The following SP4 variants were observed in gnomAD, a reference collection of about 807,000 sequenced individuals.
SP4 encodes Sp4 transcription factor.
In SP4, 19 loss-of-function variants were observed where a neutral mutation model predicts 72.8. The ratio of observed to expected loss-of-function variants is 0.26; its 90% CI spans 0.18 to 0.38. SP4 has a LOEUF of 0.38. Ranked by LOEUF, SP4 falls within the 10% of genes least tolerant of loss-of-function variation. The probability of loss-of-function intolerance (pLI) is 1.00; values close to 1 mark genes in which losing one functional copy is unlikely to be tolerated. For synonymous variants in SP4, 395 were observed against 333.1 expected (o/e 1.19, Z -2.02); for missense variants, 1,008 against 926.3 (o/e 1.09, Z -1.14).
chr7:21,487,605 C>T (rs1020485592), intron 5 of SP4, among the ~76,000 whole-genome samples: 1 of 151,906 alleles, frequency 6.6e-6, no homozygotes, highest in African/African-American at 2.4e-5. Flanking sequence ...TGTATGGATG[C>T]AGGTGCTTGC....
chr7:21,467,347 A>G (rs1283078023), intron 3 of SP4, among the ~76,000 whole-genome samples: 4 of 152,208 alleles, frequency 2.6e-5, no homozygotes, highest in Non-Finnish European at 5.9e-5. Flanking sequence ...TACCTTTAAA[A>G]AAACAACTTT....
intron 3 of SP4, among the ~76,000 whole-genome samples, chr7:21,455,652 C>T (rs1468958628): frequency 1.3e-5 from 2 of 152,126 alleles, no homozygotes; most frequent in African/African-American, 4.8e-5. Flanking sequence ...CCAGTTCATC[C>T]TTGGGGTTAC....
At chr7:21,507,783 C>T (rs1782038260) in intron 5 of SP4, among the ~76,000 whole-genome samples, 1 of 152,076 alleles carries the variant, frequency 6.6e-6, no homozygotes, top group South Asian at 2.1e-4. Flanking sequence ...CAGTCTGTGT[C>T]TGAGCTTTTC....
chr7:21,428,100 A>C lies in SP4; in HGVS notation c.-152A>C. 1.5e-6 allele frequency: 1 copy of C among 675,144 alleles called. No homozygotes were observed. 41.8% of individuals were successfully genotyped at this position (675,144 alleles called of 1,614,324 possible). A position where few individuals can be genotyped will look rare whatever the true frequency, so the allele number is the denominator to read the frequency against. On this transcript the variant is annotated 5_prime_UTR_variant, in exon 1 of 6. Transcript: ENST00000222584. ...GCTACGCCACAGCCCAGCGGCGGCC[A>C]TTCGCGGAAAAAGAGGCAGAGCCTG... is the stretch of plus-strand genomic sequence containing the variant.
chr7:21,461,300 G>A (rs1192872421), intron 3 of SP4, among the ~76,000 whole-genome samples: 1 of 152,086 alleles, frequency 6.6e-6, no homozygotes, highest in Non-Finnish European at 1.5e-5. Flanking sequence ...GGGGTTGGGG[G>A]AGACTCAGGC....
At chr7:21,486,103 C>T (rs1207231866) in intron 5 of SP4, among the ~76,000 whole-genome samples, 1 of 151,642 alleles carries the variant, frequency 6.6e-6, no homozygotes, top group Non-Finnish European at 1.5e-5. Context: ...TTGAAAATTA[C>T]ATTCTCTTAA....
intron 5 of SP4, among the ~76,000 whole-genome samples, chr7:21,501,266 A>G (rs1017252447): frequency 1.3e-5 from 2 of 151,964 alleles, no homozygotes; most frequent in Non-Finnish European, 2.9e-5. Context: ...AGTTTGTTAC[A>G]TCCGCAGGCT....
At position 21,428,679 on chromosome 7, in the gene SP4, C is replaced by G; in HGVS notation, c.10C>G (p.Gln4Glu). 1 of 1,548,188 alleles carries G rather than the reference C, an allele frequency of 6.5e-7. No homozygotes were observed. Among genetic ancestry groups the G allele is most frequent in the Non-Finnish European group, 8.7e-7 (1 of 1,143,514 alleles). Residue 4 changes from glutamine to glutamate, a missense_variant and splice_region_variant, in exon 2 of 6, where the codon CAG (glutamine) becomes GAG (glutamate). Gln to Glu is a conservative substitution (Grantham distance 29). Transcript: ENST00000222584. ...TGTGGTGGGGGGGTTTGTTGCAGAT[C>G]AGAAGAAGGAGGAGGAGGAGGAGGC... MSD[Q>E]KKEEEEEAAA...
intron 5 of SP4, among the ~76,000 whole-genome samples, chr7:21,500,142 AT>A (rs1182348678): frequency 2.0e-5 from 3 of 152,126 alleles, no homozygotes; most frequent in South Asian, 2.1e-4. Context: ...CAAAAGGAGC[AT>A]TTTTTTTCCT....
intron 5 of SP4, among the ~76,000 whole-genome samples, chr7:21,496,157 C>T (rs1055299327): frequency 6.6e-6 from 1 of 152,124 alleles, no homozygotes; most frequent in African/African-American, 2.4e-5. Flanking sequence ...GATAGCAACT[C>T]TTCTGTGTGT....
chr7:21,472,831 G>T (rs1288791177), intron 3 of SP4, among the ~76,000 whole-genome samples: 1 of 151,890 alleles, frequency 6.6e-6, no homozygotes, highest in Non-Finnish European at 1.5e-5. Flanking sequence ...AGAAGAAGGG[G>T]TTTCTGAAAT....
chr7:21,434,317 C>T (rs1165608438), intron 3 of SP4, among the ~76,000 whole-genome samples: 1 of 152,094 alleles, frequency 6.6e-6, no homozygotes, highest in East Asian at 1.9e-4. Flanking sequence ...ATGACATGAA[C>T]AGAAAAAAGT....
chr7:21,428,403 G>T (rs369527786), intron 1 of SP4, 145 bp downstream of exon 1: 2 of 688,534 alleles, frequency 2.9e-6, no homozygotes, highest in Non-Finnish European at 5.4e-6. Context: ...ATCGGGGAGG[G>T]AAGGAGGGTT....
At chr7:21,484,561 G>A (rs888461748) in intron 5 of SP4, among the ~76,000 whole-genome samples, 4 of 151,834 alleles carry the variant, frequency 2.6e-5, no homozygotes, top group African/African-American at 7.2e-5. Flanking sequence ...AAATCTTTCT[G>A]TATAGTATAT....
chr7:21,460,576 G>A (rs111727875), intron 3 of SP4, among the ~76,000 whole-genome samples: 10 of 152,162 alleles, frequency 6.6e-5, no homozygotes, highest in East Asian at 1.9e-4. Flanking sequence ...CTGCTGGCTC[G>A]GGCAGCCTGC....
chr7:21,498,593 C>T (rs1781783289), intron 5 of SP4, among the ~76,000 whole-genome samples: 4 of 152,144 alleles, frequency 2.6e-5, no homozygotes. Flanking sequence ...AAAATGATTA[C>T]AGTTAACCCT....
chr7:21,500,080 G>T (rs926457498), intron 5 of SP4, among the ~76,000 whole-genome samples: 17 of 152,136 alleles, frequency 1.1e-4, no homozygotes, highest in Non-Finnish European at 2.5e-4. Context: ...CCTTTTAAAA[G>T]ACTACATTTT....
chr7:21,461,550 C>G (rs1783984217), intron 3 of SP4, among the ~76,000 whole-genome samples: 2 of 152,208 alleles, frequency 1.3e-5, no homozygotes, highest in South Asian at 4.1e-4. Flanking sequence ...GCAGGGCCCG[C>G]CAAGCCCACA....
At position 21,430,821 on chromosome 7, in the gene SP4, C is replaced by G; in HGVS notation, c.1656C>G (p.Pro552=). Residue 552 remains proline (P), a synonymous_variant, in exon 3 of 6, where the codon CCC becomes CCG. Coordinates refer to ENST00000222584, the MANE Select transcript of SP4 (RefSeq NM_003112.5). ...CAGGTGTTCAAGTGCAGGGAGTTCCCGTTACAATCACTAGTGTTGCAGGTA... is the reference window on the plus strand; with the variant it reads ...CAGGTGTTCAAGTGCAGGGAGTTCCGGTTACAATCACTAGTGTTGCAGGTA... ...GAAGVQVQGV[P]VTITSVAGQQ... 4 of 1,611,972 alleles carry G rather than the reference C, an allele frequency of 2.5e-6. No individual in the cohort carries two copies. The highest frequency in any genetic ancestry group is 2.5e-6 in the Non-Finnish European group (3 of 1,178,534).
Sources: allele counts gnomAD v4.1 joint callset (sites outside exome capture counted in the v4.1 genomes callset), GRCh38; gene constraint gnomAD v4.1.1; transcripts MANE v1.5; gene names NCBI Gene and HGNC (gene_info 2026-07-23, HGNC 2026-07-21).